Variants in FIG4 observed in about 807,000 individuals in gnomAD.
FIG4 encodes the protein FIG4 phosphoinositide 5-phosphatase.
In FIG4, 112 loss-of-function variants were observed where a neutral mutation model predicts 118.6. The ratio of observed to expected loss-of-function variants is 0.94; its 90% CI spans 0.81 to 1.11. FIG4 has a LOEUF of 1.11. FIG4 is among the 50% of genes least tolerant of loss of function. FIG4 has a pLI of 0.00. For missense variants in FIG4, 969 were observed against 1,111.7 expected (o/e 0.87, Z 1.83); for synonymous variants, 369 against 381.2 (o/e 0.97, Z 0.37).
At chr6:109,810,261 G>A (rs1052360249) in intron 22 of FIG4, among the ~76,000 whole-genome samples, 21 of 152,000 alleles carry the variant, frequency 1.4e-4, no homozygotes, top group Admixed American at 9.2e-4. Context: ...AAAATCCTTC[G>A]TACTTTTCCA....
intron 2 of FIG4, among the ~76,000 whole-genome samples, chr6:109,715,717 G>A (rs1002857056): frequency 1.3e-5 from 2 of 152,136 alleles, no homozygotes; most frequent in Admixed American, 6.5e-5. Context: ...ACCTGAAGCT[G>A]TTAGTCAAAA....
chr6:109,724,549 C>T (rs1280788947), intron 3 of FIG4, among the ~76,000 whole-genome samples: 2 of 152,136 alleles, frequency 1.3e-5, no homozygotes, highest in East Asian at 3.9e-4. Flanking sequence ...CTGAAATTGT[C>T]TCCCAGTTCT....
chr6:109,784,988 AC>A lies in FIG4; in HGVS notation c.1910del (p.Pro637GlnfsTer3). ...TRRSYTYWWT[P>X]EVIKHLPLPY... ...TTTATAGTTATACTTACTGGTGGAC[AC>A]CAGAGGTGATAAAGCATTTACCATT... On this transcript the variant is annotated frameshift_variant, in exon 17 of 23. Transcript: ENST00000230124. LOFTEE classifies it high-confidence loss of function. 1 of 1,565,750 alleles carries A rather than the reference AC, an allele frequency of 6.4e-7. No homozygotes were observed. The highest frequency in any genetic ancestry group is 8.8e-7 in the Non-Finnish European group (1 of 1,136,770).
chr6:109,792,100 A>G (rs1401003414), intron 20 of FIG4, among the ~76,000 whole-genome samples: 1 of 152,250 alleles, frequency 6.6e-6, no homozygotes, highest in African/African-American at 2.4e-5. Context: ...CAAGAGCTAA[A>G]TCCATGTTCC....
rs765974944 is a variant in FIG4 at position 109,825,296 on chromosome 6, C to G, written c.*31C>G. 5 of 1,598,506 alleles carry G rather than the reference C, an allele frequency of 3.1e-6. No homozygotes were observed. The African/African-American group carries it at 5.4e-5, about 17-fold the overall frequency. ...GCGCAGGTCCACCTGGTGGACACGT[C>G]TGATTAGCTTAGAACCTGTCTTGTC... On this transcript the variant is annotated 3_prime_UTR_variant, in exon 23 of 23. Transcript: ENST00000230124.
chr6:109,697,261 CA>C (rs566216314), intron 1 of FIG4, among the ~76,000 whole-genome samples: 3,280 of 63,184 alleles, frequency 0.052, 59 homozygotes, highest in African/African-American at 0.13. Context: ...GACTCTGTCT[CA>C]AAAAAAAAAA....
chr6:109,714,506 G>T (rs1053243123), intron 1 of FIG4, among the ~76,000 whole-genome samples: 3 of 152,302 alleles, frequency 2.0e-5, no homozygotes, highest in Middle Eastern at 3.4e-3. Flanking sequence ...CCAAGGAACT[G>T]TTTTAGGAAA....
intron 6 of FIG4, 93 bp downstream of exon 6, chr6:109,735,391 A>G: frequency 1.6e-6 from 2 of 1,250,268 alleles, no homozygotes; most frequent in Non-Finnish European, 2.3e-6. Context: ...ATATTTGTCC[A>G]TCCCTCTTTG....
intron 10 of FIG4, among the ~76,000 whole-genome samples, chr6:109,749,055 C>CTGTGTGTGTGTGTGTGTG (rs113357544): frequency 9.2e-4 from 122 of 132,472 alleles, no homozygotes; most frequent in South Asian, 3.4e-3. Context: ...CAAAGGAGCT[C>CTGTGTGTGTGTGTGTGTG]TGTGTGTGTG....
chr6:109,776,927 G>A lies in FIG4; in HGVS notation c.1756G>A (p.Asp586Asn). ...RYYSNAFSDA[D>N]RQDSINLFLG... ...ATATATATTTTGCTTTTTAGATGCCGATAGACAAGATTCCATTAATCTCTT... is the reference window on the plus strand; with the variant it reads ...ATATATATTTTGCTTTTTAGATGCCAATAGACAAGATTCCATTAATCTCTT... Residue 586 changes from aspartate to asparagine, a missense_variant, in exon 16 of 23, where the codon GAT becomes AAT. This residue lies in a region of FIG4 where 246 missense variants were observed against 354.3 expected (regional missense o/e 0.69). Transcript: ENST00000230124. 1 of 1,612,648 alleles carries A rather than the reference G, an allele frequency of 6.2e-7. No individual in the cohort carries two copies.
intron 3 of FIG4, 36 bp from the exon 4 acceptor site, chr6:109,727,073 T>A: frequency 6.5e-7 from 1 of 1,531,802 alleles, no homozygotes; most frequent in Non-Finnish European, 9.0e-7. Flanking sequence ...TTACTAAGTT[T>A]ATAAAGCATA....
intron 1 of FIG4, among the ~76,000 whole-genome samples, chr6:109,712,989 G>A (rs1169505793): frequency 6.6e-6 from 1 of 152,132 alleles, no homozygotes; most frequent in African/African-American, 2.4e-5. Context: ...GTTTCTGGAA[G>A]ATTATAGGGG....
chr6:109,736,393 G>C (rs1425578442), intron 6 of FIG4, among the ~76,000 whole-genome samples: 1 of 152,096 alleles, frequency 6.6e-6, no homozygotes, highest in African/African-American at 2.4e-5. Context: ...ATTATCACTT[G>C]AGCTAAGGTC....
chr6:109,704,675 CAAAA>C (rs36013882), intron 1 of FIG4, among the ~76,000 whole-genome samples: 74 of 67,814 alleles, frequency 1.1e-3, no homozygotes, highest in African/African-American at 4.4e-3. Flanking sequence ...GACTCCATCT[CAAAA>C]AAAAAAAAAA....
At chr6:109,738,903 C>T (rs1310026015) in intron 7 of FIG4, among the ~76,000 whole-genome samples, 1 of 152,120 alleles carries the variant, frequency 6.6e-6, no homozygotes, top group Non-Finnish European at 1.5e-5. Flanking sequence ...GGAGTGTTCT[C>T]ATGGCTTGTG....
intron 3 of FIG4, among the ~76,000 whole-genome samples, chr6:109,724,141 G>A (rs758273499): frequency 3.9e-5 from 6 of 151,976 alleles, no homozygotes; most frequent in Non-Finnish European, 8.8e-5. Context: ...ACGAACAAAC[G>A]AATCTGGAAA....
Position 109,727,230 on chromosome 6 carries a change from T to G in FIG4, c.411T>G (p.Asn137Lys), listed in dbSNP as rs1476998518. 6.2e-7 allele frequency: 1 copy of G among 1,612,866 alleles called. No individual in the cohort carries two copies. The highest frequency in any genetic ancestry group is 8.5e-7 in the Non-Finnish European group (1 of 1,179,216). Reference sequence around the variant, plus strand: ...ATACAAATATGATCTATATACCCAATGATTCTGTACGGGTTACTCATCCTG... The same window carrying G: ...ATACAAATATGATCTATATACCCAAGGATTCTGTACGGGTTACTCATCCTG... Reference protein sequence around the residue: ...VEDTNMIYIPNDSVRVTHPDE... With the variant: ...VEDTNMIYIPKDSVRVTHPDE... Residue 137 changes from asparagine (N) to lysine (K), a missense_variant, in exon 4 of 23, where the codon AAT becomes AAG. Coordinates refer to ENST00000230124, the MANE Select transcript of FIG4 (RefSeq NM_014845.6).
At chr6:109,782,359 A>G (rs577672176) in intron 16 of FIG4, among the ~76,000 whole-genome samples, 1 of 152,292 alleles carries the variant, frequency 6.6e-6, no homozygotes, top group Non-Finnish European at 1.5e-5. Context: ...CAAGGCAGAT[A>G]TTTCTTTGCT....
chr6:109,741,560 G>A lies in FIG4; in HGVS notation c.876+16G>A. The A allele has an allele frequency of 6.8e-7, 1 of 1,461,980 alleles. No homozygotes were observed. The highest frequency in any genetic ancestry group is 1.4e-5 in the African/African-American group (1 of 72,008). 90.6% of individuals were successfully genotyped at this position (1,461,980 alleles called of 1,614,324 possible). A position where few individuals can be genotyped will look rare whatever the true frequency, so the allele number is the denominator to read the frequency against. On this transcript the variant is annotated intron_variant, in intron 8 of 22. Transcript: ENST00000230124. ...AAACTGTGAGGTAAGATGACAAACA[G>A]TATCTTCACTGACCTTTTAACCTTT...
Sources: gnomAD v4.1 joint callset for allele counts (sites outside exome capture counted in the v4.1 genomes callset) on GRCh38, gnomAD v4.1.1 for gene constraint, gnomAD v4.1.1 regional missense constraint, MANE v1.5 for transcripts, NCBI Gene and HGNC (gene_info 2026-07-23, HGNC 2026-07-21) for gene names.